The following PCSK5 variants were observed in gnomAD, a reference collection of about 807,000 sequenced individuals.
PCSK5 encodes proprotein convertase subtilisin/kexin type 5.
Under a neutral mutation model 233.2 loss-of-function variants are expected in PCSK5, and 129 were observed. That is an observed-to-expected ratio of 0.55 (90% CI 0.48 to 0.64). The LOEUF (loss-of-function observed/expected upper bound fraction) is 0.64. PCSK5 is among the 30% of genes least tolerant of loss of function. The pLI is 0.00. For missense variants in PCSK5, 2,076 were observed against 2,430.1 expected, an observed-to-expected ratio of 0.85 and a Z score of 3.06; for synonymous variants, 825 against 879.2, an observed-to-expected ratio of 0.94 and a Z score of 1.09.
chr9:76,256,939 G>T (rs1031475687), intron 24 of PCSK5, among the ~76,000 whole-genome samples: 2 of 152,170 alleles, frequency 1.3e-5, no homozygotes, highest in African/African-American at 2.4e-5. Context: ...CCTCCTAATA[G>T]GTCCCTAGAG....
intron 1 of PCSK5, among the ~76,000 whole-genome samples, chr9:75,921,555 C>G (rs1487687264): frequency 1.3e-5 from 2 of 151,382 alleles, no homozygotes; most frequent in Admixed American, 6.6e-5. Flanking sequence ...CTCTTGGGCT[C>G]TCTATTTCGT....
rs183151765 is a variant in PCSK5, at chr9:76,243,794, T to C, written c.3142+3110T>C. Among the ~76,000 whole-genome samples, 155 of 152,318 alleles carry C rather than the reference T, an allele frequency of 1.0e-3. 1 individual carries two copies. The highest frequency in any genetic ancestry group is 2.5e-3 in the South Asian group (12 of 4,822). On this transcript the variant is annotated intron_variant, in intron 24 of 37. Coordinates refer to ENST00000674117, the MANE Select transcript of PCSK5 (RefSeq NM_001372043.1). ...AATTAATGCATGAATGTTTGTTGAA[T>C]TGAATTTGAGAATTGCCCAAATTCA...
rs749906940 is a variant in PCSK5 at position 76,095,846 on chromosome 9, G to A, written c.895-44G>A. ...CAGTGGATTCTGACCTCTTCATTTA[G>A]AGTCATTTCACACCATCATTTAGCT... On this transcript the variant is annotated intron_variant, in intron 7 of 37. Coordinates refer to ENST00000674117, the MANE Select transcript of PCSK5 (RefSeq NM_001372043.1). The A allele has an allele frequency of 1.9e-6, 3 of 1,562,292 alleles. No individual in the cohort carries two copies. In the South Asian group the frequency reaches 3.3e-5, roughly 17 times the overall value.
chr9:76,227,456 G>A lies in PCSK5; in HGVS notation c.2627-47G>A, dbSNP rs770700049. 3 of 1,355,496 alleles carry A rather than the reference G, an allele frequency of 2.2e-6. No individual in the cohort carries two copies. In the South Asian group the frequency reaches 3.7e-5, roughly 17 times the overall value. The allele number at this position is 1,355,496 out of a possible 1,614,324, so 84.0% of individuals were successfully genotyped here. On this transcript the variant is annotated intron_variant, in intron 20 of 37. Coordinates refer to ENST00000674117, the MANE Select transcript of PCSK5 (RefSeq NM_001372043.1). ...TGCTCTCAGACTGACAGCCCAGGCA[G>A]GCTTGCCATGTAGAAATGAAATAAA...
At chr9:76,271,208 G>A (rs939877981) in intron 24 of PCSK5, among the ~76,000 whole-genome samples, 2 of 152,130 alleles carry the variant, frequency 1.3e-5, no homozygotes, top group South Asian at 4.1e-4. Flanking sequence ...AGGGAGAAAG[G>A]AGATTATACA....
intron 1 of PCSK5, among the ~76,000 whole-genome samples, chr9:75,909,691 G>A (rs1270651866): frequency 3.3e-5 from 5 of 152,024 alleles, no homozygotes; most frequent in Admixed American, 1.3e-4. Context: ...GCAAGACTCC[G>A]TCTCAAGAAA....
intron 35 of PCSK5, among the ~76,000 whole-genome samples, chr9:76,339,785 C>T (rs763466472): frequency 4.6e-5 from 7 of 152,038 alleles, no homozygotes; most frequent in African/African-American, 7.2e-5. Context: ...CCTCATGATC[C>T]GCCCGCCTCA....
chr9:75,922,693 G>A (rs1823306833), intron 1 of PCSK5, among the ~76,000 whole-genome samples: 1 of 152,170 alleles, frequency 6.6e-6, no homozygotes, highest in Non-Finnish European at 1.5e-5. Flanking sequence ...ATCCAGTGGG[G>A]AAGGGCAGAT....
intron 3 of PCSK5, among the ~76,000 whole-genome samples, chr9:76,013,702 G>GT (rs1286801216): frequency 6.6e-6 from 1 of 152,146 alleles, no homozygotes; most frequent in Non-Finnish European, 1.5e-5. Flanking sequence ...GGAAGATATT[G>GT]TATCAATATA....
In PCSK5 at chr9:76,097,246, C is replaced by CTTTTTTTT. The variant is rs71372046; in HGVS notation, c.1107+1161_1107+1168dup. ...CCGCGCCCAGCCAAAAAGTGCATTT[C>CTTTTTTTT]TTTTTTTTTTTTTTTTTTTTTTTTG... is the stretch of plus-strand genomic sequence containing the variant. On this transcript the variant is annotated intron_variant, in intron 8 of 37. Coordinates refer to ENST00000674117, the MANE Select transcript of PCSK5 (RefSeq NM_001372043.1). Among the ~76,000 whole-genome samples the CTTTTTTTT allele has an allele frequency of 5.8e-3, 389 of 67,328 alleles. 40 individuals carry two copies. Among genetic ancestry groups the CTTTTTTTT allele is most frequent in the East Asian group, 8.8e-3 (17 of 1,938 alleles). The allele number at this position is 67,328 out of a possible 152,430, so 44.2% of individuals were successfully genotyped here.
intron 24 of PCSK5, among the ~76,000 whole-genome samples, chr9:76,240,992 C>G (rs1256121313): frequency 6.6e-6 from 1 of 152,218 alleles, no homozygotes; most frequent in Admixed American, 6.5e-5. Flanking sequence ...TTTCAGGTGC[C>G]TGAGACTCAG....
intron 27 of PCSK5, among the ~76,000 whole-genome samples, chr9:76,297,227 A>T (rs1828467617): frequency 6.6e-6 from 1 of 152,230 alleles, no homozygotes; most frequent in Admixed American, 6.5e-5. Context: ...TATCACAGGC[A>T]TGTCCTACGT....
chr9:75,898,540 A>C (rs1211378396), intron 1 of PCSK5, among the ~76,000 whole-genome samples: 1 of 152,168 alleles, frequency 6.6e-6, no homozygotes. Context: ...AGCTTGGGTC[A>C]CATGTCCTCC....
chr9:76,321,967 G>C (rs1050259555), intron 31 of PCSK5, among the ~76,000 whole-genome samples: 4 of 150,806 alleles, frequency 2.7e-5, no homozygotes, highest in African/African-American at 7.3e-5. Flanking sequence ...TTTTTTCCTT[G>C]AGATGGAGTT....
At chr9:76,270,274 A>G (rs902888271) in intron 24 of PCSK5, among the ~76,000 whole-genome samples, 2 of 152,160 alleles carry the variant, frequency 1.3e-5, no homozygotes, top group African/African-American at 4.8e-5. Flanking sequence ...CCTTTTTTCC[A>G]GCAATATATT....
rs113000033 is a variant in PCSK5 at position 75,917,202 on chromosome 9, A to C, written c.193-15177A>C. Among the ~76,000 whole-genome samples the C allele has an allele frequency of 2.6e-5, 4 of 151,976 alleles. 1 individual carries two copies. Among genetic ancestry groups the C allele is most frequent in the African/African-American group, 9.6e-5 (4 of 41,492 alleles). ...AAAAAAAAAAAAAGATGGGAAAAGCATATGAATATAAGCAGTTAATATTGG... is the reference window on the plus strand; with the variant it reads ...AAAAAAAAAAAAAGATGGGAAAAGCCTATGAATATAAGCAGTTAATATTGG... On this transcript the variant is annotated intron_variant, in intron 1 of 37. Transcript: ENST00000674117.
chr9:76,190,843 A>T (rs952586932), intron 20 of PCSK5, among the ~76,000 whole-genome samples: 2 of 152,180 alleles, frequency 1.3e-5, no homozygotes, highest in Non-Finnish European at 2.9e-5. Context: ...ACCATCCCCA[A>T]ATATTCTGAT....
chr9:76,232,233 A>G (rs1826114061), intron 21 of PCSK5, among the ~76,000 whole-genome samples: 1 of 152,174 alleles, frequency 6.6e-6, no homozygotes, highest in Non-Finnish European at 1.5e-5. Flanking sequence ...GCATAAGTGG[A>G]GAGGAGTAGT....
At position 76,122,118 on chromosome 9, in the gene PCSK5, C is replaced by T. The variant is rs1201274507; in HGVS notation, c.1209-11991C>T. Among the ~76,000 whole-genome samples, 2 of 43,598 alleles carry T rather than the reference C, an allele frequency of 4.6e-5. 1 individual carries two copies. Among genetic ancestry groups the T allele is most frequent in the Admixed American group, 5.6e-4 (2 of 3,562 alleles). The allele number at this position is 43,598 out of a possible 152,430, so 28.6% of individuals were successfully genotyped here. A position where few individuals can be genotyped will look rare whatever the true frequency, so the allele number is the denominator to read the frequency against. ...GATTACAGGCGTGAGCCACCGCGCC[C>T]GGCCTTGGTTTTTATGACTGCCTTA... On this transcript the variant is annotated intron_variant, in intron 9 of 37. Coordinates refer to ENST00000674117, the MANE Select transcript of PCSK5 (RefSeq NM_001372043.1).
Sources: allele counts gnomAD v4.1 joint callset (sites outside exome capture counted in the v4.1 genomes callset), GRCh38; gene constraint gnomAD v4.1.1; transcripts MANE v1.5; gene names NCBI Gene and HGNC (gene_info 2026-07-23, HGNC 2026-07-21).